The following DPP4 variants were observed in gnomAD, a reference collection of about 807,000 sequenced individuals.
The protein encoded by DPP4 is dipeptidyl peptidase 4.
In DPP4, 93 loss-of-function variants were observed where a neutral mutation model predicts 122.4. The ratio of observed to expected loss-of-function variants is 0.76; its 90% confidence interval spans 0.64 to 0.90. DPP4 has a LOEUF of 0.90. DPP4 is among the 40% of genes least tolerant of loss of function. DPP4 has a pLI of 0.00. For missense variants in DPP4, 914 were observed against 907.3 expected, an observed-to-expected ratio of 1.01 and a Z score of -0.09; for synonymous variants, 321 against 302.9, an observed-to-expected ratio of 1.06 and a Z score of -0.62.
chr2:162,022,732 A>T lies in DPP4; in HGVS notation c.1068+23T>A, dbSNP rs762841242. ...GCTGAGTAGCTGACTCATCCATAAAACCCCACAACTTATAACACTTACTCT... is the reference window on the plus strand; with the variant it reads ...GCTGAGTAGCTGACTCATCCATAAATCCCCACAACTTATAACACTTACTCT... On this transcript the variant is annotated intron_variant, in intron 12 of 25. Coordinates refer to ENST00000360534, the MANE Select transcript of DPP4 (RefSeq NM_001935.4). The T allele has an allele frequency of 4.3e-6, 7 of 1,613,030 alleles. No homozygotes were observed. In the South Asian group the frequency reaches 7.7e-5, roughly 18 times the overall value.
intron 23 of DPP4, among the ~76,000 whole-genome samples, chr2:162,004,452 G>A (rs1309622765): frequency 6.6e-6 from 1 of 152,070 alleles, no homozygotes; most frequent in Non-Finnish European, 1.5e-5. Context: ...ATCTAATTAT[G>A]GGACTGTTTT....
At position 162,073,434 on chromosome 2, in the gene DPP4, A is replaced by C; in HGVS notation, c.59T>G (p.Ile20Ser). 1 of 1,614,106 alleles carries C rather than the reference A, an allele frequency of 6.2e-7. No homozygotes were observed. The highest frequency in any genetic ancestry group is 8.5e-7 in the Non-Finnish European group (1 of 1,180,030). The stretch of plus-strand genomic sequence containing the variant: ...CAGCAGAACCACGGGCACGGTGATG[A>C]TGGTGACAAGCGCAGCAGCACCCAG... ...GLLGAAALVT[I>S]ITVPVVLLNK... Residue 20 changes from isoleucine to serine, a missense_variant, in exon 2 of 26, where the codon ATC (isoleucine) becomes AGC (serine). Physicochemically the swap from Ile to Ser is moderately radical, Grantham distance 142 (BLOSUM62 -2). Transcript: ENST00000360534.
intron 2 of DPP4, among the ~76,000 whole-genome samples, chr2:162,057,052 C>A (rs1326717147): frequency 1.3e-5 from 2 of 152,140 alleles, no homozygotes; most frequent in African/African-American, 2.4e-5. Context: ...TCATCCCCAA[C>A]CAATCAACAG....
At chr2:162,065,550 C>G (rs2284868) in intron 2 of DPP4, among the ~76,000 whole-genome samples, 1,738 of 152,268 alleles carry the variant, frequency 0.011, 21 homozygotes, top group East Asian at 0.037. Flanking sequence ...TAACTTTTGG[C>G]CAGGTATTGG....
rs549118262 is a variant in DPP4 at position 162,063,562 on chromosome 2, C to T, written c.94+9837G>A. ...GACAACCAGGAGAGAGTGAGAGCCC[C>T]GAGGGGAGGTGGAGAAGAAGGATGA... is the stretch of plus-strand genomic sequence containing the variant. On this transcript the variant is annotated intron_variant, in intron 2 of 25. Transcript: ENST00000360534. 4.6e-5 allele frequency among the ~76,000 whole-genome samples: 7 copies of T among 151,604 alleles called. No homozygotes were observed. In the South Asian group the frequency reaches 1.5e-3, roughly 32 times the overall value.
At position 162,011,978 on chromosome 2, in the gene DPP4, G is replaced by T. The variant is rs1264835258; in HGVS notation, c.1647C>A (p.Gly549=). 6.2e-7 allele frequency: 1 copy of T among 1,612,558 alleles called. No homozygotes were observed. Among genetic ancestry groups the T allele is most frequent in the Non-Finnish European group, 8.5e-7 (1 of 1,178,988 alleles). ...KYPLLLDVYA[G]PCSQKADTVF... is the part of the protein sequence containing the mutation. ...CAGTGTCTGCTTTTTGACTACATGG[G>T]CCTGCATACCTATGAAAAATACCAA... The change falls in exon 20 of 26, where the codon GGC becomes GGA. Residue 549 remains glycine, a synonymous_variant. Coordinates refer to ENST00000360534, the MANE Select transcript of DPP4 (RefSeq NM_001935.4).
intron 20 of DPP4, among the ~76,000 whole-genome samples, chr2:162,011,588 C>CT (rs201205946): frequency 1.3e-5 from 2 of 151,064 alleles, no homozygotes; most frequent in African/African-American, 4.9e-5. Context: ...TTAGGAAATG[C>CT]TTTTTTTTTG....
chr2:162,035,368 A>T (rs1683732793), intron 8 of DPP4, 44 bp from the exon 9 acceptor site: 1 of 1,585,974 alleles, frequency 6.3e-7, no homozygotes, highest in African/African-American at 1.4e-5. Flanking sequence ...AGTAGCTGAT[A>T]AATTGGCTTT....
In DPP4 at chr2:162,013,768, G is replaced by A. The variant is rs184488747; in HGVS notation, c.1637+628C>T. ...CTGACATTATGGCATCATGGGTGAC[G>A]CTAGGGCAATTTTAGAAAAATTAAA... On this transcript the variant is annotated intron_variant, in intron 19 of 25. Coordinates refer to ENST00000360534, the MANE Select transcript of DPP4 (RefSeq NM_001935.4). Among the ~76,000 whole-genome samples the A allele has an allele frequency of 2.9e-3, 448 of 152,204 alleles. 1 individual carries two copies. Among genetic ancestry groups the A allele is most frequent in the African/African-American group, 0.01 (426 of 41,524 alleles).
intron 5 of DPP4, among the ~76,000 whole-genome samples, chr2:162,042,883 G>A (rs905740679): frequency 3.3e-5 from 5 of 152,142 alleles, no homozygotes; most frequent in Admixed American, 6.5e-5. Flanking sequence ...ATGGGTTAAC[G>A]TGACAGAGAC....
At chr2:162,061,555 A>G (rs1400773860) in intron 2 of DPP4, among the ~76,000 whole-genome samples, 4 of 152,208 alleles carry the variant, frequency 2.6e-5, no homozygotes, top group Admixed American at 6.5e-5. Flanking sequence ...AGCCATGAGG[A>G]TAAACGTATT....
At chr2:162,038,012 A>C (rs1576056534) in intron 8 of DPP4, among the ~76,000 whole-genome samples, 2 of 152,102 alleles carry the variant, frequency 1.3e-5, no homozygotes, top group African/African-American at 4.8e-5. Flanking sequence ...GGAGGCTTTT[A>C]TGTTCCAGTA....
intron 8 of DPP4, among the ~76,000 whole-genome samples, chr2:162,036,294 C>T (rs1198938427): frequency 6.6e-6 from 1 of 152,050 alleles, no homozygotes; most frequent in Non-Finnish European, 1.5e-5. Context: ...AAGTTACTTC[C>T]AAATGCTTTT....
At chr2:162,008,507 T>C (rs1701339743) in intron 22 of DPP4, 55 bp downstream of exon 22, 4 of 1,428,202 alleles carry the variant, frequency 2.8e-6, no homozygotes, top group African/African-American at 1.4e-5. Context: ...GCTTTGTTAC[T>C]GGCATTTTGA....
intron 1 of DPP4, 28 bp from the exon 2 acceptor site, chr2:162,073,514 T>G (rs747030375): frequency 6.2e-7 from 1 of 1,608,008 alleles, no homozygotes; most frequent in East Asian, 2.2e-5. Context: ...CAAGTCCAAT[T>G]AGAGGGAAGC....
At chr2:162,058,119 G>A (rs1482155909) in intron 2 of DPP4, among the ~76,000 whole-genome samples, 1 of 152,104 alleles carries the variant, frequency 6.6e-6, no homozygotes. Context: ...GGCCTCTAGT[G>A]TGATTTCCCT....
chr2:162,025,130 GGAATGAAAATTAAAAT>G (rs1413637512), intron 10 of DPP4, among the ~76,000 whole-genome samples, 191 bp from the exon 11 acceptor site: 1 of 152,036 alleles, frequency 6.6e-6, no homozygotes, highest in Non-Finnish European at 1.5e-5. Flanking sequence ...AATTTAATTT[GGAATGAAAATTAAAAT>G]ATATCCAACA....
At chr2:162,016,380 C>G (rs1463251080) in intron 18 of DPP4, among the ~76,000 whole-genome samples, 1 of 152,140 alleles carries the variant, frequency 6.6e-6, no homozygotes, top group Non-Finnish European at 1.5e-5. Context: ...ATTTTATAGC[C>G]AACACGAATT....
At chr2:162,019,166 T>C in intron 15 of DPP4, 57 bp downstream of exon 15, 1 of 1,441,436 alleles carries the variant, frequency 6.9e-7, no homozygotes, top group South Asian at 1.2e-5. Context: ...AAAATAGAGT[T>C]CAGAAATTGT....
Sources: allele counts gnomAD v4.1 joint callset (sites outside exome capture counted in the v4.1 genomes callset), GRCh38; gene constraint gnomAD v4.1.1; transcripts MANE v1.5; gene names NCBI Gene and HGNC (gene_info 2026-07-23, HGNC 2026-07-21).